The following PCMTD1 variants were observed in gnomAD, a reference collection of about 807,000 sequenced individuals.
PCMTD1 encodes protein-L-isoaspartate (D-aspartate) O-methyltransferase domain containing 1.
In PCMTD1, 12 loss-of-function variants were observed where a neutral mutation model predicts 37.6. The observed-to-expected ratio is 0.32, with a 90% CI of 0.20 to 0.52. The LOEUF is 0.52. Among genes scored for constraint, PCMTD1 ranks in the 20% least tolerant of loss-of-function variants. The pLI is 0.97. For missense variants in PCMTD1, 235 were observed against 421.3 expected, an observed-to-expected ratio of 0.56 and a Z score of 3.87; for synonymous variants, 117 against 135.8, an observed-to-expected ratio of 0.86 and a Z score of 0.96.
chr8:51,832,878 A>C (rs2129276235), intron 4 of PCMTD1, among the ~76,000 whole-genome samples: 1 of 152,290 alleles, frequency 6.6e-6, no homozygotes, highest in African/African-American at 2.4e-5. Flanking sequence ...ACAGGGTCTC[A>C]CTTTGTCACC....
At chr8:51,851,915 G>T (rs1156664946) in intron 2 of PCMTD1, among the ~76,000 whole-genome samples, 1 of 152,114 alleles carries the variant, frequency 6.6e-6, no homozygotes, top group East Asian at 1.9e-4. Flanking sequence ...CTCCCAAAGT[G>T]CTGGGATTAC....
At chr8:51,846,874 A>T (rs1300021034) in intron 2 of PCMTD1, among the ~76,000 whole-genome samples, 1 of 152,238 alleles carries the variant, frequency 6.6e-6, no homozygotes, top group East Asian at 1.9e-4. Context: ...CCAAAATCCA[A>T]TAAGGATAAT....
intron 1 of PCMTD1, among the ~76,000 whole-genome samples, chr8:51,895,681 T>C (rs1428020280): frequency 6.6e-6 from 1 of 151,926 alleles, no homozygotes; most frequent in Admixed American, 6.6e-5. Context: ...TGAAAAAATC[T>C]TACCATATTC....
chr8:51,848,147 T>TA (rs1214778591), intron 2 of PCMTD1, among the ~76,000 whole-genome samples: 1 of 151,782 alleles, frequency 6.6e-6, no homozygotes, highest in Admixed American at 6.6e-5. Context: ...TACATGTTTA[T>TA]AAAAAAAGAA....
At chr8:51,847,908 T>A (rs1183840331) in intron 2 of PCMTD1, among the ~76,000 whole-genome samples, 1 of 127,174 alleles carries the variant, frequency 7.9e-6, no homozygotes, top group African/African-American at 2.5e-5. Context: ...CAAGGCTTCG[T>A]CTCTACAATA....
At chr8:51,823,633 T>A (rs1179679778) in intron 5 of PCMTD1, among the ~76,000 whole-genome samples, 2 of 152,202 alleles carry the variant, frequency 1.3e-5, no homozygotes, top group African/African-American at 2.4e-5. Context: ...TAATCCTGAC[T>A]GCTAGGAAAA....
intron 1 of PCMTD1, among the ~76,000 whole-genome samples, chr8:51,882,485 G>C (rs906766842): frequency 6.6e-6 from 1 of 151,940 alleles, no homozygotes; most frequent in Non-Finnish European, 1.5e-5. Context: ...ATGTATCTCT[G>C]TATCATCTCT....
chr8:51,823,266 C>G (rs1370693139), intron 5 of PCMTD1, among the ~76,000 whole-genome samples: 1 of 152,166 alleles, frequency 6.6e-6, no homozygotes, highest in Non-Finnish European at 1.5e-5. Context: ...GATCTTGAGA[C>G]CACTCTGGGC....
At chr8:51,843,669 G>A (rs986598418) in intron 3 of PCMTD1, among the ~76,000 whole-genome samples, 8 of 151,542 alleles carry the variant, frequency 5.3e-5, no homozygotes, top group Admixed American at 4.6e-4. Flanking sequence ...ACTTATTTGT[G>A]TTGTGATTAT....
intron 1 of PCMTD1, among the ~76,000 whole-genome samples, chr8:51,882,818 TAA>T (rs34942203): frequency 1.5e-5 from 2 of 137,546 alleles, no homozygotes; most frequent in African/African-American, 2.7e-5. Flanking sequence ...ATAGCATACT[TAA>T]AAAAAAAAAA....
intron 1 of PCMTD1, chr8:51,870,128 G>A (rs1288534121): frequency 6.6e-6 from 1 of 152,188 alleles, no homozygotes; most frequent in East Asian, 1.9e-4. Flanking sequence ...CAAAATGAAT[G>A]CTGACTCACT....
chr8:51,852,024 T>C (rs1249306062), intron 2 of PCMTD1, among the ~76,000 whole-genome samples: 1 of 152,158 alleles, frequency 6.6e-6, no homozygotes, highest in Non-Finnish European at 1.5e-5. Context: ...GCACATCTAT[T>C]TGTGAAGTAC....
chr8:51,873,641 C>T (rs1262847738), intron 1 of PCMTD1, among the ~76,000 whole-genome samples: 3 of 152,070 alleles, frequency 2.0e-5, no homozygotes, highest in Non-Finnish European at 2.9e-5. Context: ...TGTCTTGGTG[C>T]TGTCCTCATG....
intron 3 of PCMTD1, among the ~76,000 whole-genome samples, chr8:51,840,833 C>G (rs1430147489): frequency 6.6e-6 from 1 of 152,074 alleles, no homozygotes; most frequent in Non-Finnish European, 1.5e-5. Flanking sequence ...CCATCCCTGA[C>G]CCCAATAAAA....
chr8:51,862,142 C>A (rs2038480799), intron 1 of PCMTD1, among the ~76,000 whole-genome samples: 1 of 152,088 alleles, frequency 6.6e-6, no homozygotes, highest in Non-Finnish European at 1.5e-5. Context: ...AACCACAATT[C>A]AAAAATGCAC....
chr8:51,893,101 A>C (rs1320610958), intron 1 of PCMTD1, among the ~76,000 whole-genome samples: 1 of 152,212 alleles, frequency 6.6e-6, no homozygotes, highest in Non-Finnish European at 1.5e-5. Flanking sequence ...GTAGACTACA[A>C]ATGGATTAGT....
At chr8:51,864,906 C>T (rs193202267) in intron 1 of PCMTD1, among the ~76,000 whole-genome samples, 7 of 151,982 alleles carry the variant, frequency 4.6e-5, no homozygotes, top group East Asian at 3.9e-4. Context: ...TGAAACTAAG[C>T]GTTGGTTCTT....
At chr8:51,826,847 C>A (rs1313814977) in intron 5 of PCMTD1, 3 of 812,008 alleles carry the variant, frequency 3.7e-6, no homozygotes, top group African/African-American at 1.9e-5. Context: ...TTCTCCTCAA[C>A]CCCAAACAAA....
At chr8:51,877,328 T>C (rs1040569609) in intron 1 of PCMTD1, among the ~76,000 whole-genome samples, 1 of 152,134 alleles carries the variant, frequency 6.6e-6, no homozygotes, top group African/African-American at 2.4e-5. Flanking sequence ...TCAGAACTTT[T>C]TAAAAGAGGC....
Sources: gnomAD v4.1 joint callset for allele counts (sites outside exome capture counted in the v4.1 genomes callset) on GRCh38, gnomAD v4.1.1 for gene constraint, MANE v1.5 for transcripts, NCBI Gene and HGNC (gene_info 2026-07-23, HGNC 2026-07-21) for gene names.